POLN: variants seen among roughly 807,000 people sequenced by gnomAD.
POLN encodes the protein DNA polymerase N.
POLN carries 108 observed loss-of-function variants against 113.5 expected under a neutral mutation model. The observed-to-expected ratio is 0.95, with a 90% confidence interval of 0.81 to 1.12. POLN has a LOEUF of 1.12. Ranked by LOEUF, POLN falls within the 50% of genes most tolerant of loss-of-function variation. POLN has a pLI of 0.00. For synonymous variants in POLN, 386 were observed against 391.5 expected (o/e 0.99, Z 0.17); for missense variants, 1,097 against 1,077.1 (o/e 1.02, Z -0.26).
At chr4:2,161,652 G>C (rs1042815294) in intron 13 of POLN, among the ~76,000 whole-genome samples, 3 of 152,224 alleles carry the variant, frequency 2.0e-5, no homozygotes, top group African/African-American at 7.2e-5. Context: ...GAGGAGTGCG[G>C]GCGCACGGCA....
chr4:2,228,018 G>A (rs1734442919), intron 3 of POLN: 1 of 152,278 alleles, frequency 6.6e-6, no homozygotes, highest in Non-Finnish European at 1.5e-5. Flanking sequence ...AGCAACAGAT[G>A]CCTCAATATG....
intron 6 of POLN, among the ~76,000 whole-genome samples, chr4:2,197,127 T>G (rs1733596692): frequency 6.6e-6 from 1 of 152,222 alleles, no homozygotes; most frequent in Non-Finnish European, 1.5e-5. Context: ...TGTGGGGTTT[T>G]CCTCAGAGTG....
At chr4:2,220,334 A>G (rs1734225408) in intron 3 of POLN, among the ~76,000 whole-genome samples, 1 of 152,144 alleles carries the variant, frequency 6.6e-6, no homozygotes, top group African/African-American at 2.4e-5. Flanking sequence ...CTTCCCAGCT[A>G]CTTCTGCAGA....
rs150255371 is a variant in POLN at position 2,113,859 on chromosome 4, AAATAATAAT to A, written c.1982+14245_1982+14253del. Among the ~76,000 whole-genome samples, 864 of 140,022 alleles carry A rather than the reference AAATAATAAT, an allele frequency of 6.2e-3. 2 individuals carry two copies. Among genetic ancestry groups the A allele is most frequent in the African/African-American group, 0.014 (542 of 37,924 alleles). 91.9% of individuals were successfully genotyped at this position (140,022 alleles called of 152,430 possible). A position where few individuals can be genotyped will look rare whatever the true frequency, so the allele number is the denominator to read the frequency against. ...GGTGACAGAGCAAGACTCCATTTCA[AAATAATAAT>A]AATAATAATAATAATAATAATAATA... On this transcript the variant is annotated intron_variant, in intron 19 of 25. Coordinates refer to ENST00000511885, the MANE Select transcript of POLN (RefSeq NM_181808.4).
At chr4:2,081,252 C>T (rs1730410299) in intron 22 of POLN, 2 of 1,451,238 alleles carry the variant, frequency 1.4e-6, no homozygotes, top group Non-Finnish European at 9.3e-7. Context: ...TTTTGGGTGC[C>T]TTACTCCTGG....
chr4:2,090,596 G>A (rs544733194), intron 20 of POLN: 218 of 448,970 alleles, frequency 4.9e-4, no homozygotes, highest in Non-Finnish European at 8.2e-4. Context: ...TCACAGCCTC[G>A]AACATTCCGA....
intron 23 of POLN, chr4:2,079,376 G>T: frequency 1.1e-6 from 1 of 936,562 alleles, no homozygotes; most frequent in Non-Finnish European, 1.3e-6. Context: ...AAGTGAGCGG[G>T]ATGCATGGAT....
chr4:2,172,897 A>C (rs937911046), intron 11 of POLN, among the ~76,000 whole-genome samples: 1 of 152,182 alleles, frequency 6.6e-6, no homozygotes, highest in Non-Finnish European at 1.5e-5. Context: ...CTTGGAAACA[A>C]CCACACGCCT....
At chr4:2,238,485 G>T (rs1734845731) in intron 2 of POLN, 2 of 550,774 alleles carry the variant, frequency 3.6e-6, no homozygotes, top group Non-Finnish European at 5.9e-6. Context: ...AAAATAGAAA[G>T]GCCAAAAGTG....
At chr4:2,187,954 A>G (rs1218451314) in intron 7 of POLN, among the ~76,000 whole-genome samples, 1 of 152,064 alleles carries the variant, frequency 6.6e-6, no homozygotes, top group Non-Finnish European at 1.5e-5. Context: ...TCTACAAAAT[A>G]AAAATAAAAA....
intron 4 of POLN, 117 bp downstream of exon 4, chr4:2,212,928 CTT>C (rs1023984267): frequency 2.1e-3 from 946 of 450,984 alleles, no homozygotes; most frequent in Middle Eastern, 3.9e-3. Context: ...AAGAACGCCT[CTT>C]TTTTTTTTTT....
At chr4:2,139,273 G>C (rs1731938179) in intron 16 of POLN, among the ~76,000 whole-genome samples, 1 of 152,216 alleles carries the variant, frequency 6.6e-6, no homozygotes, top group Non-Finnish European at 1.5e-5. Flanking sequence ...CGGAGCTTGG[G>C]GCCCGCAGCT....
chr4:2,106,984 T>C (rs1731081116), intron 19 of POLN, among the ~76,000 whole-genome samples: 1 of 152,174 alleles, frequency 6.6e-6, no homozygotes, highest in Non-Finnish European at 1.5e-5. Context: ...CATATTAATG[T>C]AAGGAGAAGT....
Position 2,171,170 on chromosome 4 carries a change from C to G in POLN, c.1386G>C (p.Lys462Asn). The G allele has an allele frequency of 6.2e-7, 1 of 1,613,098 alleles. No homozygotes were observed. The highest frequency in any genetic ancestry group is 8.5e-7 in the Non-Finnish European group (1 of 1,179,562). ...CAAAATGAGCTTCTTGCTCCAATTC[C>G]TTGAGACGAGCCTGAAAATATGATA... is the stretch of plus-strand genomic sequence containing the variant. ...KTSALLGARL[K>N]ELEQEAHFVA... Residue 462 changes from lysine to asparagine, a missense_variant, in exon 12 of 26, where the codon AAG (lysine) becomes AAC (asparagine). Coordinates refer to ENST00000511885, the MANE Select transcript of POLN (RefSeq NM_181808.4).
At chr4:2,231,237 G>A (rs1577791865) in intron 2 of POLN, 1 of 152,212 alleles carries the variant, frequency 6.6e-6, no homozygotes, top group African/African-American at 2.4e-5. Context: ...AACATGAGGG[G>A]ACTTGGCTAT....
intron 6 of POLN, among the ~76,000 whole-genome samples, chr4:2,195,142 G>C (rs1475290843): frequency 1.3e-5 from 2 of 152,074 alleles, no homozygotes; most frequent in African/African-American, 4.8e-5. Context: ...TAATTTAAAT[G>C]TGATTTATTT....
chr4:2,192,073 C>A (rs1464850217), intron 7 of POLN, among the ~76,000 whole-genome samples: 1 of 135,972 alleles, frequency 7.4e-6, no homozygotes, highest in Non-Finnish European at 1.5e-5. Flanking sequence ...CAAGATCATG[C>A]AACTGCACTC....
At chr4:2,188,620 AAAAC>A (rs1227014051) in intron 7 of POLN, among the ~76,000 whole-genome samples, 4 of 137,394 alleles carry the variant, frequency 2.9e-5, no homozygotes, top group African/African-American at 9.9e-5. Context: ...AAAAAACAAA[AAAAC>A]AAAACAAAAC....
chr4:2,221,470 T>C (rs1174851280), intron 3 of POLN, among the ~76,000 whole-genome samples: 4 of 152,232 alleles, frequency 2.6e-5, no homozygotes, highest in African/African-American at 2.4e-5. Flanking sequence ...GGGGATCTGA[T>C]TGCTTCCCCT....
Sources: gnomAD v4.1 joint callset for allele counts (sites outside exome capture counted in the v4.1 genomes callset) on GRCh38, gnomAD v4.1.1 for gene constraint, MANE v1.5 for transcripts, NCBI Gene and HGNC (gene_info 2026-07-23, HGNC 2026-07-21) for gene names.